FCGR2B: variants seen among roughly 807,000 people sequenced by gnomAD.
FCGR2B encodes the protein low affinity immunoglobulin gamma Fc region receptor II-b.
Under a neutral mutation model 24.8 loss-of-function variants are expected in FCGR2B, and 18 were observed. The observed-to-expected ratio is 0.73, with a 90% CI of 0.50 to 1.08. The LOEUF (loss-of-function observed/expected upper bound fraction) is 1.08, where lower values mean the gene tolerates loss of function less well. Among genes scored for constraint, FCGR2B ranks in the 50% least tolerant of loss-of-function variants. The probability of loss-of-function intolerance (pLI) is 0.00; values close to 1 mark genes in which losing one functional copy is unlikely to be tolerated. For synonymous variants in FCGR2B, 79 were observed against 109.8 expected, an observed-to-expected ratio of 0.72 and a Z score of 1.75; for missense variants, 215 against 297.6, an observed-to-expected ratio of 0.72 and a Z score of 2.04.
the FCGR2B span, among the ~76,000 whole-genome samples, chr1:161,656,295 C>A: frequency 6.2e-5 from 5 of 80,952 alleles, no homozygotes; most frequent in East Asian, 1.1e-3. Context: ...GACCACTGTT[C>A]TTCTCATTTC....
At chr1:161,672,885 T>C (rs1681794892) in intron 3 of FCGR2B, 90 bp from the exon 4 acceptor site, 10 of 1,560,298 alleles carry the variant, frequency 6.4e-6, no homozygotes, top group African/African-American at 2.7e-5. Context: ...CTGTTCCCTC[T>C]GCACATCGTG....
At position 161,672,894 on chromosome 1, in the gene FCGR2B, T is replaced by C. The variant is rs568320271; in HGVS notation, c.392-81T>C. On this transcript the variant is annotated intron_variant, in intron 3 of 7. Coordinates refer to ENST00000358671, the MANE Select transcript of FCGR2B (RefSeq NM_001394477.1). The stretch of plus-strand genomic sequence containing the variant: ...CCTAAGCTGTTCCCTCTGCACATCG[T>C]GTCCCACCAGTAAGGAAGATCTGGG... The C allele has an allele frequency of 1.5e-5, 23 of 1,581,006 alleles. No individual in the cohort carries two copies. The East Asian group carries it at 5.2e-4, about 36-fold the overall frequency.
chr1:161,649,377 G>C, the FCGR2B span, among the ~76,000 whole-genome samples: 1 of 150,806 alleles, frequency 6.6e-6, no homozygotes, highest in Non-Finnish European at 1.5e-5. Context: ...TTGCAGAAGA[G>C]GGCTGAAAAT....
chr1:161,650,334 A>G, the FCGR2B span, among the ~76,000 whole-genome samples: 3 of 145,282 alleles, frequency 2.1e-5, 1 homozygote, highest in Admixed American at 2.1e-4. Flanking sequence ...CTATCATTAT[A>G]TTATATATAT....
At chr1:161,649,363 AGTTTT>A in the FCGR2B span, among the ~76,000 whole-genome samples, 1 of 150,906 alleles carries the variant, frequency 6.6e-6, no homozygotes, top group East Asian at 1.9e-4. Flanking sequence ...TTAAAAGAAA[AGTTTT>A]GCAGAAGAGG....
chr1:161,672,846 G>A lies in FCGR2B; in HGVS notation c.392-129G>A, dbSNP rs1008002859. 3.6e-6 allele frequency: 5 copies of A among 1,395,116 alleles called. No individual in the cohort carries two copies. The African/African-American group carries it at 4.4e-5, about 12-fold the overall frequency. The allele number at this position is 1,395,116 out of a possible 1,614,324, so 86.4% of individuals were successfully genotyped here. ...CATAAATGACAGAGCCAGCATTAGAGTCCAGGACTGTCTGATTTCAGACCT... is the reference window on the plus strand; with the variant it reads ...CATAAATGACAGAGCCAGCATTAGAATCCAGGACTGTCTGATTTCAGACCT... On this transcript the variant is annotated intron_variant, in intron 3 of 7. Coordinates refer to ENST00000358671, the MANE Select transcript of FCGR2B (RefSeq NM_001394477.1).
At chr1:161,661,194 G>A (rs1169933195), upstream of FCGR2B, among the ~76,000 whole-genome samples, 13 of 9,020 alleles carry the variant, frequency 1.4e-3, no homozygotes, top group Admixed American at 8.8e-3. Flanking sequence ...AGAAAGGAAA[G>A]AAAGAAAGAA....
chr1:161,656,377 T>C, the FCGR2B span, among the ~76,000 whole-genome samples: 2 of 113,366 alleles, frequency 1.8e-5, no homozygotes, highest in Admixed American at 9.7e-5. Flanking sequence ...GTTAGAGCAC[T>C]GCATATGGGT....
At chr1:161,649,040 C>T in the FCGR2B span, among the ~76,000 whole-genome samples, 4 of 150,822 alleles carry the variant, frequency 2.7e-5, no homozygotes, top group African/African-American at 7.4e-5. Flanking sequence ...CATGACTCTT[C>T]TAAAACAAGT....
chr1:161,671,322 C>T, intron 2 of FCGR2B, 70 bp from the exon 3 acceptor site: 1 of 1,610,214 alleles, frequency 6.2e-7, no homozygotes, highest in Admixed American at 1.7e-5. Flanking sequence ...GCTTTTTTGT[C>T]TGAGATTCAG....
intron 4 of FCGR2B, chr1:161,673,615 G>A: frequency 1.6e-6 from 1 of 636,632 alleles, no homozygotes; most frequent in Middle Eastern, 2.9e-4. Flanking sequence ...GCACGTCATG[G>A]ACCGTTCAAG....
the FCGR2B span, among the ~76,000 whole-genome samples, chr1:161,648,122 C>G: frequency 4.7e-5 from 7 of 150,090 alleles, no homozygotes; most frequent in Non-Finnish European, 8.9e-5. Context: ...TGGGCAGAAT[C>G]TGACAAGACC....
chr1:161,677,310 T>C lies in FCGR2B; in HGVS notation c.818-18T>C. Reference sequence around the variant, plus strand: ...TCTCCAGCAGTGCTCTGGCTGATATTTCTTCTTTTTCCCACAGCCAATCCC... The same window carrying C: ...TCTCCAGCAGTGCTCTGGCTGATATCTCTTCTTTTTCCCACAGCCAATCCC... On this transcript the variant is annotated intron_variant, in intron 6 of 7. Transcript: ENST00000358671. The C allele has an allele frequency of 6.2e-7, 1 of 1,613,698 alleles. No individual in the cohort carries two copies. Among genetic ancestry groups the C allele is most frequent in the Non-Finnish European group, 8.5e-7 (1 of 1,179,704 alleles).
chr1:161,661,382 T>A (rs1681090035), upstream of FCGR2B, among the ~76,000 whole-genome samples: 1 of 124,098 alleles, frequency 8.1e-6, no homozygotes. Flanking sequence ...CAGCACATAA[T>A]TGACTATTCC....
At chr1:161,654,468 G>A in the FCGR2B span, among the ~76,000 whole-genome samples, 1 of 135,980 alleles carries the variant, frequency 7.4e-6, no homozygotes, top group Non-Finnish European at 1.7e-5. Context: ...TAAGACATTT[G>A]TTCCTTAGAA....
chr1:161,672,951 T>G, intron 3 of FCGR2B, 24 bp from the exon 4 acceptor site: 4 of 1,613,660 alleles, frequency 2.5e-6, no homozygotes, highest in Non-Finnish European at 3.4e-6. Flanking sequence ...TCCCGGGTCC[T>G]CTGCGGTTTT....
At chr1:161,676,397 C>G (rs1416251007) in intron 6 of FCGR2B, 2 of 184,868 alleles carry the variant, frequency 1.1e-5, no homozygotes, top group East Asian at 1.8e-4. Context: ...CTGGAAAAAA[C>G]AAAGTCCAAG....
the FCGR2B span, among the ~76,000 whole-genome samples, chr1:161,651,564 A>G: frequency 1.5e-4 from 16 of 106,372 alleles, no homozygotes; most frequent in Admixed American, 4.5e-4. Flanking sequence ...ATTTCCGCCA[A>G]TATAACTTCT....
the FCGR2B span, among the ~76,000 whole-genome samples, chr1:161,650,156 C>T: frequency 6.7e-6 from 1 of 148,936 alleles, no homozygotes; most frequent in Non-Finnish European, 1.5e-5. Flanking sequence ...TACACGCCAC[C>T]ATGCCTGGCT....
Sources: gnomAD v4.1 joint callset for allele counts (sites outside exome capture counted in the v4.1 genomes callset) on GRCh38, gnomAD v4.1.1 for gene constraint, MANE v1.5 for transcripts, NCBI Gene and HGNC (gene_info 2026-07-23, HGNC 2026-07-21) for gene names.